POLR3D: variants seen among roughly 807,000 people sequenced by gnomAD.
The protein encoded by POLR3D is RNA polymerase III subunit D, also known as DNA-directed RNA polymerase III subunit RPC4.
In POLR3D, 42 loss-of-function variants were observed where a neutral mutation model predicts 44.5. The observed-to-expected ratio is 0.94, with a 90% CI of 0.74 to 1.22. The LOEUF is 1.22. POLR3D is among the 50% of genes most tolerant of loss of function. The probability of loss-of-function intolerance (pLI) is 0.00; values close to 1 mark genes in which losing one functional copy is unlikely to be tolerated. For synonymous variants in POLR3D, 217 were observed against 198.1 expected, an observed-to-expected ratio of 1.10 and a Z score of -0.80; for missense variants, 507 against 505.2, an observed-to-expected ratio of 1.00 and a Z score of -0.03.
Position 22,245,627 on chromosome 8 carries a change from G to T in POLR3D, c.165+13G>T, listed in dbSNP as rs181598072. ...GGGAGTCAAGAAGGTACCCAACGGC[G>T]CGTTTCTAAAGAAACTCAACTACCT... On this transcript the variant is annotated intron_variant, in intron 2 of 8. Coordinates refer to ENST00000306433, the MANE Select transcript of POLR3D (RefSeq NM_001722.3). The T allele has an allele frequency of 1.6e-4, 200 of 1,250,622 alleles. 1 individual carries two copies. The African/African-American group carries it at 1.7e-3, about 10-fold the overall frequency. 77.5% of individuals were successfully genotyped at this position (1,250,622 alleles called of 1,614,324 possible).
At position 22,254,422 on chromosome 8, in the gene POLR3D, T is replaced by G. The variant is rs1413963070; in HGVS notation, c.*3904T>G. The G allele has an allele frequency of 6.6e-6, 1 of 152,162 alleles. No homozygotes were observed. The highest frequency in any genetic ancestry group is 1.5e-5 in the Non-Finnish European group (1 of 68,044). 9.4% of individuals were successfully genotyped at this position (152,162 alleles called of 1,614,324 possible). The stretch of plus-strand genomic sequence containing the variant: ...CTACTCTGGAGCTGAGGTGGGAGGA[T>G]CACTTGAGCCCAGGAGTTCAAGACC... On this transcript the variant is annotated 3_prime_UTR_variant, in exon 9 of 9. Coordinates refer to ENST00000306433, the MANE Select transcript of POLR3D (RefSeq NM_001722.3).
At chr8:22,249,708 G>A (rs1018282997) in intron 7 of POLR3D, among the ~76,000 whole-genome samples, 5 of 152,026 alleles carry the variant, frequency 3.3e-5, no homozygotes, top group Non-Finnish European at 5.9e-5. Context: ...TGTAGTCCCC[G>A]CTACTTGGGA....
intron 8 of POLR3D, 54 bp from the exon 9 acceptor site, chr8:22,250,342 C>G: frequency 1.2e-6 from 2 of 1,612,674 alleles, no homozygotes; most frequent in Non-Finnish European, 1.7e-6. Context: ...ATTCACAGCT[C>G]TACACGCCGG....
chr8:22,246,548 C>T (rs1347621169), intron 2 of POLR3D, among the ~76,000 whole-genome samples: 4 of 152,016 alleles, frequency 2.6e-5, no homozygotes, highest in South Asian at 2.1e-4. Flanking sequence ...CGGGTTCAAG[C>T]GATTCTCCTG....
chr8:22,248,909 CCT>C, intron 6 of POLR3D, 133 bp from the exon 7 acceptor site: 7 of 1,007,178 alleles, frequency 7.0e-6, no homozygotes, highest in Non-Finnish European at 1.1e-5. Context: ...GTCTCTTGCC[CCT>C]CTGTATAACT....
In POLR3D at chr8:22,252,841, T is replaced by G. The variant is rs1019199777; in HGVS notation, c.*2323T>G. On this transcript the variant is annotated 3_prime_UTR_variant, in exon 9 of 9. Transcript: ENST00000306433. Reference sequence around the variant, plus strand: ...CATGTTTAAGTGGCAGAGTCCAGGCTGTCGAGTCACGGTTGGGTTTGAATC... The same window carrying G: ...CATGTTTAAGTGGCAGAGTCCAGGCGGTCGAGTCACGGTTGGGTTTGAATC... The G allele has an allele frequency of 6.6e-6, 1 of 152,238 alleles. No homozygotes were observed. The highest frequency in any genetic ancestry group is 2.4e-5 in the African/African-American group (1 of 41,462). The allele number at this position is 152,238 out of a possible 1,614,324, so 9.4% of individuals were successfully genotyped here.
chr8:22,253,199 C>T lies in POLR3D; in HGVS notation c.*2681C>T, dbSNP rs1405045854. 6.6e-6 allele frequency: 1 copy of T among 152,218 alleles called. No homozygotes were observed. Among genetic ancestry groups the T allele is most frequent in the Non-Finnish European group, 1.5e-5 (1 of 68,036 alleles). 9.4% of individuals were successfully genotyped at this position (152,218 alleles called of 1,614,324 possible). ...TTGGAACCGTCTGCTTTGCCATCCT[C>T]AGTATTGCAGAATGGCTGCTCCTGC... On this transcript the variant is annotated 3_prime_UTR_variant, in exon 9 of 9. Transcript: ENST00000306433.
In POLR3D at chr8:22,250,502, A is replaced by T. The variant is rs746015292; in HGVS notation, c.1181A>T (p.Asp394Val). The T allele has an allele frequency of 1.2e-6, 2 of 1,614,016 alleles. No homozygotes were observed. Among genetic ancestry groups the T allele is most frequent in the Non-Finnish European group, 1.7e-6 (2 of 1,180,028 alleles). ...VCSPDFESLL[D>V]HKHR ...TCCCCTGATTTTGAATCCCTCTTGG[A>T]TCACAAACACCGGTAAAATGAGCAG... The change falls in exon 9 of 9, where the codon GAT becomes GTT. Residue 394 changes from aspartate (D) to valine (V), a missense_variant. Transcript: ENST00000306433.
rs761292965 is a variant in POLR3D at position 22,248,513 on chromosome 8, T to A, written c.519T>A (p.Thr173=). The A allele has an allele frequency of 3.1e-6, 5 of 1,614,080 alleles. No homozygotes were observed. The South Asian group carries it at 4.4e-5, about 14-fold the overall frequency. Residue 173 remains threonine (T), a synonymous_variant, in exon 6 of 9, where the codon ACT becomes ACA. Transcript: ENST00000306433. ...FLDDPGLRND[T]RNMPVQLPLA... ...ATGACCCCGGCCTGAGGAACGACAC[T>A]CGAAATATGCCTGTGCAGCTGCCGC...
rs1830097820 is a variant in POLR3D at position 22,250,683 on chromosome 8, G to A, written c.*165G>A. The A allele has an allele frequency of 1.3e-6, 1 of 775,866 alleles. No individual in the cohort carries two copies. The highest frequency in any genetic ancestry group is 1.6e-5 in the South Asian group (1 of 62,996). The allele number at this position is 775,866 out of a possible 1,614,324, so 48.1% of individuals were successfully genotyped here. A position where few individuals can be genotyped will look rare whatever the true frequency, so the allele number is the denominator to read the frequency against. On this transcript the variant is annotated 3_prime_UTR_variant, in exon 9 of 9. Coordinates refer to ENST00000306433, the MANE Select transcript of POLR3D (RefSeq NM_001722.3). ...CCCAGGGCTTCCTCCCACAGCAGCTGTGAATGGCACAGTGACCTTCCTGCA... is the reference window on the plus strand; with the variant it reads ...CCCAGGGCTTCCTCCCACAGCAGCTATGAATGGCACAGTGACCTTCCTGCA...
intron 7 of POLR3D, among the ~76,000 whole-genome samples, chr8:22,249,680 G>A (rs998589362): frequency 1.3e-5 from 2 of 152,158 alleles, no homozygotes; most frequent in Non-Finnish European, 2.9e-5. Context: ...AAATTAGCCA[G>A]GCATGGTGGC....
chr8:22,247,075 CTA>C, intron 2 of POLR3D, 144 bp from the exon 3 acceptor site: 1 of 617,440 alleles, frequency 1.6e-6, no homozygotes, highest in Non-Finnish European at 2.9e-6. Flanking sequence ...ACATGTGTAT[CTA>C]TAAAACTGAC....
chr8:22,248,423 A>G (rs1830065071), intron 5 of POLR3D, 58 bp from the exon 6 acceptor site: 1 of 1,591,228 alleles, frequency 6.3e-7, no homozygotes, highest in East Asian at 2.2e-5. Context: ...GGACTAAAGC[A>G]GACTTTGATC....
Position 22,248,472 on chromosome 8 carries a change from CTT to C in POLR3D, c.487-7_487-6del. On this transcript the variant is annotated splice_region_variant and splice_polypyrimidine_tract_variant and intron_variant, in intron 5 of 8. Coordinates refer to ENST00000306433, the MANE Select transcript of POLR3D (RefSeq NM_001722.3). ...TAGCAGGCTGGATGACCCAGACTCT[CTT>C]TGGCAGTTCCTCGATGACCCCGGCC... 6.2e-7 allele frequency: 1 copy of C among 1,613,510 alleles called. No individual in the cohort carries two copies. Among genetic ancestry groups the C allele is most frequent in the Non-Finnish European group, 8.5e-7 (1 of 1,179,680 alleles).
chr8:22,250,409 TG>T lies in POLR3D; in HGVS notation c.1091del (p.Gly364AlafsTer10). 1 of 1,614,190 alleles carries T rather than the reference TG, an allele frequency of 6.2e-7. No homozygotes were observed. Among genetic ancestry groups the T allele is most frequent in the South Asian group, 1.1e-5 (1 of 91,088 alleles). Reference sequence around the variant, plus strand: ...GTTAATTGGCAGGAGCTGGTGTCCGTGGGCCTTGGAGACAGTAGGACAGGGG... The same window carrying T: ...GTTAATTGGCAGGAGCTGGTGTCCGTGGCCTTGGAGACAGTAGGACAGGGG... ...ACSFLQELVS[V>X]GLGDSRTGEM... On this transcript the variant is annotated frameshift_variant, in exon 9 of 9. Coordinates refer to ENST00000306433, the MANE Select transcript of POLR3D (RefSeq NM_001722.3). LOFTEE classifies it high-confidence loss of function.
rs766717241 is a variant in POLR3D at position 22,249,063 on chromosome 8, TGAG to T, written c.681_683del (p.Glu229del). On this transcript the variant is annotated inframe_deletion, in exon 7 of 9. Coordinates refer to ENST00000306433, the MANE Select transcript of POLR3D (RefSeq NM_001722.3). Reference sequence around the variant, plus strand: ...GGGCAGTGAAAGAGGAGCCACGAGATGAGGAGGAAGAGGCCAAGATGAAGGCTC... The same window carrying T: ...GGGCAGTGAAAGAGGAGCCACGAGATGAGGAAGAGGCCAAGATGAAGGCTC... 9 of 1,613,194 alleles carry T rather than the reference TGAG, an allele frequency of 5.6e-6. No individual in the cohort carries two copies. In the East Asian group the frequency reaches 1.1e-4, roughly 20 times the overall value.
chr8:22,245,325 G>A (rs1162239875), intron 1 of POLR3D, 120 bp from the exon 2 acceptor site: 10 of 651,896 alleles, frequency 1.5e-5, no homozygotes, highest in Non-Finnish European at 2.3e-5. Flanking sequence ...TGGGAGGGGA[G>A]GAGCTGAGAG....
chr8:22,245,731 C>G (rs1047117129), intron 2 of POLR3D, 117 bp downstream of exon 2: 1 of 627,318 alleles, frequency 1.6e-6, no homozygotes, highest in African/African-American at 1.9e-5. Flanking sequence ...GCCTCTCAAG[C>G]CTACCCCTCT....
In POLR3D at chr8:22,245,555, A is replaced by G; in HGVS notation, c.106A>G (p.Thr36Ala). ...LIGRRPAPPLTPGRLPSIRSR... is the reference protein window; with the variant it reads ...LIGRRPAPPLAPGRLPSIRSR... ...CGGGCGGCGGCCGGCGCCTCCCCTC[A>G]CCCCCGGCCGCCTTCCCTCCATCCG... Residue 36 changes from threonine (T) to alanine (A), a missense_variant, in exon 2 of 9, where the codon ACC becomes GCC. Transcript: ENST00000306433. 7.9e-7 allele frequency: 1 copy of G among 1,258,420 alleles called. No homozygotes were observed. Among genetic ancestry groups the G allele is most frequent in the Non-Finnish European group, 1.0e-6 (1 of 994,508 alleles). 78.0% of individuals were successfully genotyped at this position (1,258,420 alleles called of 1,614,324 possible).
Sources: allele counts gnomAD v4.1 joint callset (sites outside exome capture counted in the v4.1 genomes callset), GRCh38; gene constraint gnomAD v4.1.1; transcripts MANE v1.5; gene names NCBI Gene and HGNC (gene_info 2026-07-23, HGNC 2026-07-21).